The following ADCY2 variants were observed in gnomAD, a reference collection of about 807,000 sequenced individuals.
ADCY2 encodes the protein adenylate cyclase 2, also known as adenylate cyclase type 2.
ADCY2 carries 31 observed loss-of-function variants against 125.2 expected under a neutral mutation model. The ratio of observed to expected loss-of-function variants is 0.25; its 90% CI spans 0.19 to 0.33. The LOEUF (loss-of-function observed/expected upper bound fraction) is 0.33. Among genes scored for constraint, ADCY2 ranks in the 10% least tolerant of loss-of-function variants. The pLI is 1.00. For synonymous variants in ADCY2, 512 were observed against 548.4 expected (o/e 0.93, Z 0.93); for missense variants, 904 against 1,418.2 (o/e 0.64, Z 5.82).
intron 3 of ADCY2, among the ~76,000 whole-genome samples, chr5:7,530,556 G>T (rs1734606793): frequency 6.6e-6 from 1 of 151,758 alleles, no homozygotes; most frequent in Non-Finnish European, 1.5e-5. Context: ...CCGCGAAGCT[G>T]TTTTAAATGA....
rs1741354194 is a variant in ADCY2, at chr5:7,709,021, A to G, written c.1402-190A>G. Reference sequence around the variant, plus strand: ...GTCTCAATTACATGTATGTTTTGCTAGCTGAAAAAAGATTCCCTCAACTCA... The same window carrying G: ...GTCTCAATTACATGTATGTTTTGCTGGCTGAAAAAAGATTCCCTCAACTCA... On this transcript the variant is annotated intron_variant, in intron 9 of 24. Transcript: ENST00000338316. This position sits in a 1 kb window ranked among gnomAD's most constrained non-coding sequence, Gnocchi z 4.4. Among the ~76,000 whole-genome samples the G allele has an allele frequency of 6.6e-6, 1 of 152,092 alleles. No homozygotes were observed. Among genetic ancestry groups the G allele is most frequent in the South Asian group, 2.1e-4 (1 of 4,822 alleles).
At chr5:7,441,771 T>C (rs1561027485) in intron 2 of ADCY2, among the ~76,000 whole-genome samples, 1 of 152,198 alleles carries the variant, frequency 6.6e-6, no homozygotes, top group Admixed American at 6.5e-5. Context: ...CTCTAATCAA[T>C]TGACTTCAAA....
rs919578211 is a variant in ADCY2, at chr5:7,802,429, G to A, written c.2775+65G>A. 1.9e-6 allele frequency: 3 copies of A among 1,562,870 alleles called. No homozygotes were observed. The highest frequency in any genetic ancestry group is 2.6e-6 in the Non-Finnish European group (3 of 1,153,204). On this transcript the variant is annotated intron_variant, in intron 21 of 24. Coordinates refer to ENST00000338316, the MANE Select transcript of ADCY2 (RefSeq NM_020546.3). The surrounding 1 kb of genome is among the most constrained non-coding windows in gnomAD (Gnocchi z 4.6). ...TCAGTCTCACACCTGTGCACTTGAA[G>A]TTACTTCAGGATAGTGGCCTATCCC...
intron 3 of ADCY2, among the ~76,000 whole-genome samples, chr5:7,574,222 C>G (rs989450870): frequency 2.8e-5 from 4 of 140,946 alleles, no homozygotes; most frequent in South Asian, 2.3e-4. Context: ...AGTAAACATA[C>G]GTGTGCATGT....
At chr5:7,816,573 T>A (rs1221373940) in intron 22 of ADCY2, among the ~76,000 whole-genome samples, 1 of 152,198 alleles carries the variant, frequency 6.6e-6, no homozygotes. Context: ...CCTTGGTGAT[T>A]TCTGGACTAA....
Position 7,485,858 on chromosome 5 carries a change from A to C in ADCY2, c.409-34880A>C, listed in dbSNP as rs1742906302. Among the ~76,000 whole-genome samples the C allele has an allele frequency of 3.3e-5, 5 of 151,932 alleles. No homozygotes were observed. In the South Asian group the frequency reaches 1.0e-3, roughly 31 times the overall value. On this transcript the variant is annotated intron_variant, in intron 2 of 24. Coordinates refer to ENST00000338316, the MANE Select transcript of ADCY2 (RefSeq NM_020546.3). ...TGTTCTTTATATTAGAAAAACAGATAGGAGGAGAAATATCCAGATAATAAA... is the reference window on the plus strand; with the variant it reads ...TGTTCTTTATATTAGAAAAACAGATCGGAGGAGAAATATCCAGATAATAAA...
At chr5:7,517,353 C>T (rs1294068690) in intron 2 of ADCY2, among the ~76,000 whole-genome samples, 1 of 152,218 alleles carries the variant, frequency 6.6e-6, no homozygotes, top group Non-Finnish European at 1.5e-5. Context: ...CAAGAGATAG[C>T]ATTCGACTAT....
In ADCY2 at chr5:7,438,161, A is replaced by T. The variant is rs148474455; in HGVS notation, c.408+23391A>T. Among the ~76,000 whole-genome samples the T allele has an allele frequency of 1.9e-3, 296 of 152,350 alleles. 1 individual carries two copies. The highest frequency in any genetic ancestry group is 6.5e-3 in the African/African-American group (272 of 41,578). On this transcript the variant is annotated intron_variant, in intron 2 of 24. Transcript: ENST00000338316. ...TTCAGCCAAGAAGGTCCACCGGAAG[A>T]TTCCAGATGGAAAGGTGGTGGACAA...
chr5:7,523,097 A>G (rs1326847489), intron 3 of ADCY2, among the ~76,000 whole-genome samples: 3 of 152,180 alleles, frequency 2.0e-5, no homozygotes, highest in Non-Finnish European at 4.4e-5. Context: ...CTGCTCCTTC[A>G]GGAATAAATG....
intron 2 of ADCY2, among the ~76,000 whole-genome samples, chr5:7,512,681 T>C (rs965395105): frequency 1.2e-4 from 19 of 152,154 alleles, no homozygotes; most frequent in Non-Finnish European, 2.4e-4. Context: ...ATATTAACAA[T>C]TTGGTCATAA....
At chr5:7,556,719 C>T (rs541264233) in intron 3 of ADCY2, among the ~76,000 whole-genome samples, 1 of 152,224 alleles carries the variant, frequency 6.6e-6, no homozygotes, top group South Asian at 2.1e-4. Context: ...GTCTAAGCTC[C>T]GCCTCTGTTA....
rs567887336 is a variant in ADCY2, at chr5:7,669,705, G to A, written c.721-20986G>A. Among the ~76,000 whole-genome samples the A allele has an allele frequency of 2.0e-4, 30 of 152,276 alleles. No individual in the cohort carries two copies. In the South Asian group the frequency reaches 5.6e-3, roughly 28 times the overall value. Reference sequence around the variant, plus strand: ...CTCTCTATTTATTATCAGTGTGTACGTGCACAGGGTTTTCTTCCAGTCCAT... The same window carrying A: ...CTCTCTATTTATTATCAGTGTGTACATGCACAGGGTTTTCTTCCAGTCCAT... On this transcript the variant is annotated intron_variant, in intron 4 of 24. Coordinates refer to ENST00000338316, the MANE Select transcript of ADCY2 (RefSeq NM_020546.3).
chr5:7,694,804 G>C (rs1214235468), intron 5 of ADCY2, among the ~76,000 whole-genome samples: 1 of 152,164 alleles, frequency 6.6e-6, no homozygotes, highest in Admixed American at 6.5e-5. Flanking sequence ...AAGTTGCACT[G>C]CTGAATCATA....
At chr5:7,679,167 C>T (rs1420392449) in intron 4 of ADCY2, among the ~76,000 whole-genome samples, 1 of 152,098 alleles carries the variant, frequency 6.6e-6, no homozygotes, top group Non-Finnish European at 1.5e-5. Flanking sequence ...GGGAGGGCAT[C>T]CTTAGGGAGG....
intron 4 of ADCY2, among the ~76,000 whole-genome samples, chr5:7,682,724 C>T (rs1405181707): frequency 2.6e-5 from 4 of 152,126 alleles, no homozygotes; most frequent in Non-Finnish European, 5.9e-5. Context: ...TCATTGCCTC[C>T]CTGAGTTTAG....
intron 14 of ADCY2, among the ~76,000 whole-genome samples, chr5:7,732,304 G>A (rs1217671517): frequency 1.3e-5 from 2 of 152,212 alleles, no homozygotes; most frequent in Admixed American, 1.3e-4. Flanking sequence ...TACCAGACTG[G>A]TGGAGAGGTT....
intron 3 of ADCY2, among the ~76,000 whole-genome samples, chr5:7,600,836 G>C (rs1475553568): frequency 2.6e-5 from 4 of 152,256 alleles, no homozygotes; most frequent in South Asian, 4.1e-4. Context: ...CTAGGTCACT[G>C]TGAAGTTTAG....
chr5:7,793,585 G>A (rs1344852453), intron 20 of ADCY2: 1 of 147,476 alleles, frequency 6.8e-6, no homozygotes, highest in Non-Finnish European at 1.5e-5. Flanking sequence ...GGGACCTGGG[G>A]TGAGCCCTGG....
intron 18 of ADCY2, among the ~76,000 whole-genome samples, chr5:7,782,492 G>T (rs1743951301): frequency 6.6e-6 from 1 of 152,202 alleles, no homozygotes; most frequent in African/African-American, 2.4e-5. Flanking sequence ...CCTTTAGTTA[G>T]AAATGCAAAG....
Sources: gnomAD v4.1 joint callset for allele counts (sites outside exome capture counted in the v4.1 genomes callset) on GRCh38, gnomAD v4.1.1 for gene constraint, Gnocchi (gnomAD v3.1) non-coding constraint, MANE v1.5 for transcripts, NCBI Gene and HGNC (gene_info 2026-07-23, HGNC 2026-07-21) for gene names.